Variants in LNX1 observed in about 807,000 individuals in gnomAD.
LNX1 encodes the protein E3 ubiquitin-protein ligase LNX.
LNX1 carries 54 observed loss-of-function variants against 68.4 expected under a neutral mutation model. That is an observed-to-expected ratio of 0.79 (90% CI 0.63 to 0.99). LNX1 has a LOEUF of 0.99. Among genes scored for constraint, LNX1 ranks in the 50% least tolerant of loss-of-function variants. The pLI, the probability that LNX1 is intolerant of heterozygous loss-of-function variation, is 0.00. For synonymous variants in LNX1, 336 were observed against 350.0 expected (o/e 0.96, Z 0.45); for missense variants, 906 against 926.4 (o/e 0.98, Z 0.29).
intron 2 of LNX1, among the ~76,000 whole-genome samples, chr4:53,517,491 A>C (rs967862798): frequency 6.6e-6 from 1 of 152,208 alleles, no homozygotes; most frequent in Admixed American, 6.5e-5. Context: ...CTCAAGTAAC[A>C]ATAATACAAC....
chr4:53,578,786 T>C (rs1731651453), intron 1 of LNX1, among the ~76,000 whole-genome samples: 1 of 152,216 alleles, frequency 6.6e-6, no homozygotes, highest in African/African-American at 2.4e-5. Flanking sequence ...TAATATTATG[T>C]TAATGTAAAC....
At chr4:53,569,808 A>C (rs1731006443) in intron 2 of LNX1, among the ~76,000 whole-genome samples, 1 of 135,850 alleles carries the variant, frequency 7.4e-6, no homozygotes, top group African/African-American at 2.7e-5. Flanking sequence ...AACTCAAACA[A>C]ATTTACAAGA....
At chr4:53,625,361 G>A (rs567337797) in intron 1 of LNX1, among the ~76,000 whole-genome samples, 180 of 152,148 alleles carry the variant, frequency 1.2e-3, no homozygotes, top group African/African-American at 4.1e-3. Flanking sequence ...CAGAACTCTT[G>A]TAACTCAACA....
At chr4:53,575,643 A>G (rs1577742102) in intron 1 of LNX1, 4 of 1,336,408 alleles carry the variant, frequency 3.0e-6, no homozygotes, top group South Asian at 2.6e-5. Context: ...TTGGCTGGGG[A>G]TCACTGGCAC....
chr4:53,464,641 A>G (rs945383407), intron 9 of LNX1, among the ~76,000 whole-genome samples: 2 of 152,136 alleles, frequency 1.3e-5, no homozygotes, highest in Non-Finnish European at 2.9e-5. Flanking sequence ...AATGTTTAAT[A>G]TAAGTGAGGT....
At chr4:53,516,076 C>A (rs1460988173) in intron 2 of LNX1, among the ~76,000 whole-genome samples, 3 of 152,006 alleles carry the variant, frequency 2.0e-5, no homozygotes, top group African/African-American at 7.2e-5. Flanking sequence ...CCATATTCTA[C>A]AAAAAAATTT....
At chr4:53,542,269 A>G (rs1313453428) in intron 2 of LNX1, among the ~76,000 whole-genome samples, 4 of 152,366 alleles carry the variant, frequency 2.6e-5, no homozygotes, top group South Asian at 4.1e-4. Context: ...TTGCATTTAA[A>G]TGATCACAGA....
chr4:53,546,501 G>A (rs555480493), intron 2 of LNX1, among the ~76,000 whole-genome samples: 1 of 152,266 alleles, frequency 6.6e-6, no homozygotes, highest in South Asian at 2.1e-4. Context: ...ATCATAAAAC[G>A]ATGAATGCTT....
chr4:53,543,110 C>T (rs1728874189), intron 2 of LNX1, among the ~76,000 whole-genome samples: 1 of 152,190 alleles, frequency 6.6e-6, no homozygotes, highest in African/African-American at 2.4e-5. Flanking sequence ...ATTCTCCTGC[C>T]TCAGCCTCCC....
At chr4:53,520,004 A>G (rs1727092622) in intron 2 of LNX1, among the ~76,000 whole-genome samples, 1 of 152,206 alleles carries the variant, frequency 6.6e-6, no homozygotes, top group South Asian at 2.1e-4. Flanking sequence ...AAGAGTTGTG[A>G]ATGCTCATAA....
Position 53,574,008 on chromosome 4 carries a change from A to T in LNX1, c.-6T>A, listed in dbSNP as rs777516959. The T allele has an allele frequency of 2.5e-6, 4 of 1,605,292 alleles. No individual in the cohort carries two copies. The East Asian group carries it at 6.7e-5, about 27-fold the overall frequency. Reference sequence around the variant, plus strand: ...GCAGACTCTGGCTGGTTCATGATGGATTGGAGAGCAGTATAACAGGAAACT... The same window carrying T: ...GCAGACTCTGGCTGGTTCATGATGGTTTGGAGAGCAGTATAACAGGAAACT... On this transcript the variant is annotated 5_prime_UTR_variant, in exon 2 of 11. Transcript: ENST00000263925.
intron 1 of LNX1, among the ~76,000 whole-genome samples, chr4:53,630,502 C>T (rs1296493239): frequency 2.0e-5 from 3 of 152,002 alleles, no homozygotes; most frequent in Non-Finnish European, 4.4e-5. Context: ...TATTTTTGTG[C>T]TTTTTCTTGG....
chr4:53,634,792 T>G (rs1198173613), intron 1 of LNX1, among the ~76,000 whole-genome samples: 1 of 151,968 alleles, frequency 6.6e-6, no homozygotes, highest in Non-Finnish European at 1.5e-5. Flanking sequence ...ATGTTTGTCC[T>G]GGGAAGTAGC....
At chr4:53,501,054 C>T (rs1725439280) in intron 4 of LNX1, among the ~76,000 whole-genome samples, 1 of 152,054 alleles carries the variant, frequency 6.6e-6, no homozygotes, top group Non-Finnish European at 1.5e-5. Flanking sequence ...TAGAGCAACA[C>T]CAATGAGATC....
chr4:53,462,936 C>T (rs1722285657), intron 9 of LNX1, among the ~76,000 whole-genome samples: 1 of 152,092 alleles, frequency 6.6e-6, no homozygotes, highest in Non-Finnish European at 1.5e-5. Context: ...TTCACTGACT[C>T]CTCATGTACA....
Position 53,573,930 on chromosome 4 carries a change from C to A in LNX1, c.73G>T (p.Glu25Ter), listed in dbSNP as rs771784538. 2 of 1,613,706 alleles carry A rather than the reference C, an allele frequency of 1.2e-6. No homozygotes were observed. The highest frequency in any genetic ancestry group is 2.2e-5 in the South Asian group (2 of 90,906). ...AVCGQAHSLE[E>*]NHFYSYPEEV... Reference sequence around the variant, plus strand: ...TCTGGATAGCTGTAGAAGTGGTTTTCCTCCAAGGAGTGGGCTTGGCCACAC... The same window carrying A: ...TCTGGATAGCTGTAGAAGTGGTTTTACTCCAAGGAGTGGGCTTGGCCACAC... Residue 25 changes from glutamate (E) to a stop codon, truncating the protein, a stop_gained, in exon 2 of 11, where the codon GAA (glutamate) becomes TAA (stop). Coordinates refer to ENST00000263925, the MANE Select transcript of LNX1 (RefSeq NM_001126328.3). LOFTEE classifies it high-confidence loss of function.
At chr4:53,516,670 G>C (rs1461303216) in intron 2 of LNX1, among the ~76,000 whole-genome samples, 1 of 152,180 alleles carries the variant, frequency 6.6e-6, no homozygotes, top group Non-Finnish European at 1.5e-5. Context: ...TGTCCTATGT[G>C]ACACCAATGA....
At chr4:53,617,802 C>T (rs1044307726), upstream of LNX1, among the ~76,000 whole-genome samples, 2 of 152,088 alleles carry the variant, frequency 1.3e-5, no homozygotes, top group African/African-American at 4.8e-5. Flanking sequence ...ATTTAGAGAA[C>T]CAATAGAATT....
In LNX1 at chr4:53,481,874, C is replaced by CATT; in HGVS notation, c.1351-23_1351-21dup. The CATT allele has an allele frequency of 6.4e-7, 1 of 1,551,862 alleles. No individual in the cohort carries two copies. Among genetic ancestry groups the CATT allele is most frequent in the Non-Finnish European group, 8.7e-7 (1 of 1,145,346 alleles). ...ACTGGCCTGGGCAAGAAGACACAGGCATTAGCCACTGTCAGTTTCCATCCA... is the reference window on the plus strand; with the variant it reads ...ACTGGCCTGGGCAAGAAGACACAGGCATTATTAGCCACTGTCAGTTTCCATCCA... On this transcript the variant is annotated intron_variant, in intron 6 of 10. Transcript: ENST00000263925.
Sources: gnomAD v4.1 joint callset for allele counts (sites outside exome capture counted in the v4.1 genomes callset) on GRCh38, gnomAD v4.1.1 for gene constraint, MANE v1.5 for transcripts, NCBI Gene and HGNC (gene_info 2026-07-23, HGNC 2026-07-21) for gene names.